NOD1: variants seen among roughly 807,000 people sequenced by gnomAD.
NOD1 encodes nucleotide binding oligomerization domain containing 1.
A neutral mutation model predicts 81.2 loss-of-function variants in NOD1; 70 were observed. That is an observed-to-expected ratio of 0.86 (90% CI 0.71 to 1.05). NOD1 has a LOEUF of 1.05. Ranked by LOEUF, NOD1 falls within the 50% of genes least tolerant of loss-of-function variation. The pLI, the probability that NOD1 is intolerant of heterozygous loss-of-function variation, is 0.00. For synonymous variants in NOD1, 508 were observed against 526.9 expected, an observed-to-expected ratio of 0.96 and a Z score of 0.49; for missense variants, 1,233 against 1,228.0, an observed-to-expected ratio of 1.00 and a Z score of -0.06.
chr7:30,433,220 T>C (rs760594997), intron 11 of NOD1, 41 bp from the exon 12 acceptor site: 19 of 1,484,254 alleles, frequency 1.3e-5, no homozygotes, highest in Non-Finnish European at 1.7e-5. Flanking sequence ...GAGAGCCTAC[T>C]TGGCAGACAT....
At position 30,451,950 on chromosome 7, in the gene NOD1, C is replaced by T. The variant is rs1279528306; in HGVS notation, c.1467G>A (p.Gln489=). ...TQEEVQASGL[Q]ERDMQLGFLR... is the part of the protein sequence containing the mutation. The stretch of plus-strand genomic sequence containing the variant: ...GGAAGCCCAGCTGCATGTCTCTCTC[C>T]TGCAGCCCGGAGGCCTGCACCTCCT... The change falls in exon 6 of 14, where the codon CAG becomes CAA. Residue 489 remains glutamine, a synonymous_variant. Coordinates refer to ENST00000222823, the MANE Select transcript of NOD1 (RefSeq NM_006092.4). The surrounding 1 kb of genome is among the most constrained non-coding windows in gnomAD (Gnocchi z 4.2). 4 of 1,613,454 alleles carry T rather than the reference C, an allele frequency of 2.5e-6. No homozygotes were observed. The highest frequency in any genetic ancestry group is 1.3e-5 in the African/African-American group (1 of 74,932).
chr7:30,455,664 C>A (rs562877056), intron 4 of NOD1, among the ~76,000 whole-genome samples: 3 of 151,500 alleles, frequency 2.0e-5, no homozygotes, highest in African/African-American at 7.3e-5. Context: ...TGCAATGGCA[C>A]AATCTTGGCT....
At chr7:30,435,449 G>A (rs1042006777) in intron 11 of NOD1, among the ~76,000 whole-genome samples, 3 of 152,108 alleles carry the variant, frequency 2.0e-5, no homozygotes, top group African/African-American at 7.2e-5. Context: ...AGTTCTCCTG[G>A]GGCCTAGAAG....
At chr7:30,435,921 G>A in intron 11 of NOD1, 77 bp downstream of exon 11, 2 of 1,190,166 alleles carry the variant, frequency 1.7e-6, no homozygotes, top group Non-Finnish European at 2.5e-6. Context: ...TCACACCAAT[G>A]CACTCAAGCC....
At chr7:30,466,753 CT>C (rs141294868) in intron 1 of NOD1, among the ~76,000 whole-genome samples, 46 of 152,266 alleles carry the variant, frequency 3.0e-4, no homozygotes, top group African/African-American at 1.1e-3. Context: ...TCACTACAAC[CT>C]TTTTCAGATA....
Position 30,451,788 on chromosome 7 carries a change from G to A in NOD1, c.1629C>T (p.Phe543=), listed in dbSNP as rs936786487. 9 of 1,613,880 alleles carry A rather than the reference G, an allele frequency of 5.6e-6. No individual in the cohort carries two copies. Among genetic ancestry groups the A allele is most frequent in the African/African-American group, 1.3e-5 (1 of 75,084 alleles). Reference sequence around the variant, plus strand: ...CCGCAGGGGGCATCCACTCCTGGAAGAACCTGAGCAGCTCCTGAGTGCCCA... The same window carrying A: ...CCGCAGGGGGCATCCACTCCTGGAAAAACCTGAGCAGCTCCTGAGTGCCCA... The part of the protein sequence containing the change: ...DRVGTQELLR[F]FQEWMPPAGA... Residue 543 remains phenylalanine (F), a synonymous_variant, in exon 6 of 14, where the codon TTC becomes TTT. Coordinates refer to ENST00000222823, the MANE Select transcript of NOD1 (RefSeq NM_006092.4). The surrounding 1 kb of genome is among the most constrained non-coding windows in gnomAD (Gnocchi z 4.2).
rs1286492444 is a variant in NOD1, at chr7:30,451,096, G to A, written c.2201+120C>T. ...GCCCTGCTAAGAAAGAAAAGGTCTG[G>A]ACATTCCAAGGGCCATGGTCATGAG... is the stretch of plus-strand genomic sequence containing the variant. On this transcript the variant is annotated intron_variant, in intron 6 of 13. Coordinates refer to ENST00000222823, the MANE Select transcript of NOD1 (RefSeq NM_006092.4). The surrounding 1 kb of genome is among the most constrained non-coding windows in gnomAD (Gnocchi z 4.2). The A allele has an allele frequency of 5.3e-5, 63 of 1,190,688 alleles. No individual in the cohort carries two copies. The highest frequency in any genetic ancestry group is 6.6e-5 in the Non-Finnish European group (57 of 870,180). 73.8% of individuals were successfully genotyped at this position (1,190,688 alleles called of 1,614,324 possible).
chr7:30,463,192 C>A (rs978688503), intron 1 of NOD1, among the ~76,000 whole-genome samples: 2 of 151,976 alleles, frequency 1.3e-5, no homozygotes, highest in African/African-American at 4.8e-5. Flanking sequence ...TAGATACATA[C>A]GACTTGTCAA....
At chr7:30,437,536 C>A (rs750959951) in intron 10 of NOD1, 37 bp downstream of exon 10, 4 of 1,376,792 alleles carry the variant, frequency 2.9e-6, no homozygotes, top group East Asian at 5.5e-5. Context: ...CTGGGAGGGA[C>A]CAGGTTGGCC....
chr7:30,465,951 C>T lies in NOD1; in HGVS notation c.-351-5910G>A, dbSNP rs75292461. Among the ~76,000 whole-genome samples the T allele has an allele frequency of 7.9e-5, 12 of 152,374 alleles. No individual in the cohort carries two copies. In the East Asian group the frequency reaches 2.3e-3, roughly 29 times the overall value. ...TTGCTGGCACCCAGGTCATATGGAA[C>T]CTGGCCCAGTGCCATGCCATCTGCC... On this transcript the variant is annotated intron_variant, in intron 1 of 13. Coordinates refer to ENST00000222823, the MANE Select transcript of NOD1 (RefSeq NM_006092.4).
chr7:30,459,801 C>G (rs1786819494), intron 2 of NOD1, 100 bp downstream of exon 2: 1 of 152,616 alleles, frequency 6.6e-6, no homozygotes, highest in Admixed American at 6.5e-5. Flanking sequence ...CAATGCCATG[C>G]TCCATTCTTT....
intron 9 of NOD1, among the ~76,000 whole-genome samples, chr7:30,438,150 C>A (rs774793276): frequency 7.2e-5 from 11 of 152,162 alleles, no homozygotes; most frequent in Admixed American, 2.6e-4. Flanking sequence ...TCAGAAACCC[C>A]ATCAGCAACG....
chr7:30,434,017 T>C (rs986167690), intron 11 of NOD1, among the ~76,000 whole-genome samples: 1 of 152,192 alleles, frequency 6.6e-6, no homozygotes, highest in Admixed American at 6.5e-5. Flanking sequence ...TGATGAAATA[T>C]ATTGTGATAT....
intron 6 of NOD1, among the ~76,000 whole-genome samples, chr7:30,449,093 G>A (rs1257376301): frequency 1.3e-5 from 2 of 152,226 alleles, no homozygotes; most frequent in African/African-American, 4.8e-5. Flanking sequence ...GGGTATGGCT[G>A]CGTTCCAATA....
intron 5 of NOD1, among the ~76,000 whole-genome samples, chr7:30,454,284 A>G (rs1455226324): frequency 6.6e-6 from 1 of 152,258 alleles, no homozygotes; most frequent in African/African-American, 2.4e-5. Context: ...AGAGTTCAAA[A>G]GCAGGGAAAG....
chr7:30,451,836 G>A lies in NOD1; in HGVS notation c.1581C>T (p.Phe527=), dbSNP rs547883089. Residue 527 remains phenylalanine (F), a synonymous_variant, in exon 6 of 14, where the codon TTC becomes TTT. Transcript: ENST00000222823. This position sits in a 1 kb window ranked among gnomAD's most constrained non-coding sequence, Gnocchi z 4.2. ...HLTLQAFFTA[F]FLVLDDRVGT... Reference sequence around the variant, plus strand: ...CCACCCTGTCGTCCAGCACGAGGAAGAAGGCTGTAAAGAAGGCCTGGAGGG... The same window carrying A: ...CCACCCTGTCGTCCAGCACGAGGAAAAAGGCTGTAAAGAAGGCCTGGAGGG... The A allele has an allele frequency of 1.2e-6, 2 of 1,613,888 alleles. No homozygotes were observed. Among genetic ancestry groups the A allele is most frequent in the Non-Finnish European group, 8.5e-7 (1 of 1,180,036 alleles).
In NOD1 at chr7:30,436,083, T is replaced by G; in HGVS notation, c.2538-2A>C. The G allele has an allele frequency of 6.2e-7, 1 of 1,612,404 alleles. No individual in the cohort carries two copies. Among genetic ancestry groups the G allele is most frequent in the Admixed American group, 1.7e-5 (1 of 60,026 alleles). ...GTGGAGATGCCGTTGGACGCAAGAC[T>G]AGGAAGGAACACACTTGGGGTGAAT... On this transcript the variant is annotated splice_acceptor_variant, in intron 10 of 13. Transcript: ENST00000222823. LOFTEE classifies it high-confidence loss of function.
intron 1 of NOD1, among the ~76,000 whole-genome samples, chr7:30,466,099 GA>G (rs1399008487): frequency 6.6e-6 from 1 of 152,226 alleles, no homozygotes; most frequent in Non-Finnish European, 1.5e-5. Context: ...TATGAACACA[GA>G]AAGGATTGGC....
chr7:30,446,883 C>G (rs1267523886), intron 8 of NOD1, 84 bp downstream of exon 8: 2 of 1,139,100 alleles, frequency 1.8e-6, no homozygotes, highest in Admixed American at 4.2e-5. Context: ...GATGAAAGCT[C>G]TTTACTGTGA....
Sources: gnomAD v4.1 joint callset for allele counts (sites outside exome capture counted in the v4.1 genomes callset) on GRCh38, gnomAD v4.1.1 for gene constraint, Gnocchi (gnomAD v3.1) non-coding constraint, MANE v1.5 for transcripts, NCBI Gene and HGNC (gene_info 2026-07-23, HGNC 2026-07-21) for gene names.